The following MAS1 variants were observed in gnomAD, a reference collection of about 807,000 sequenced individuals.
MAS1 encodes the protein MAS1 proto-oncogene, G protein-coupled receptor, also known as proto-oncogene Mas.
For synonymous variants in MAS1, 163 were observed against 164.2 expected, an observed-to-expected ratio of 0.99 and a Z score of 0.05; for missense variants, 387 against 409.7, an observed-to-expected ratio of 0.94 and a Z score of 0.48.
rs1782943334 is a variant in MAS1, at chr6:159,909,687, G to C, written c.*1754G>C. 1 of 152,228 alleles carries C rather than the reference G, an allele frequency of 6.6e-6. No homozygotes were observed. The highest frequency in any genetic ancestry group is 2.4e-5 in the African/African-American group (1 of 41,436). The allele number at this position is 152,228 out of a possible 1,614,324, so 9.4% of individuals were successfully genotyped here. On this transcript the variant is annotated 3_prime_UTR_variant, in exon 3 of 3. Transcript: ENST00000674077. Reference sequence around the variant, plus strand: ...CTCTGTTTCCTGTCCTCTCCTGTGTGTGCTGTGTGCTGGCCTCTGGGGTAG... The same window carrying C: ...CTCTGTTTCCTGTCCTCTCCTGTGTCTGCTGTGTGCTGGCCTCTGGGGTAG...
At chr6:159,906,067 C>T (rs1269429194) in intron 2 of MAS1, among the ~76,000 whole-genome samples, 1 of 152,056 alleles carries the variant, frequency 6.6e-6, no homozygotes, top group Non-Finnish European at 1.5e-5. Flanking sequence ...TTTTGATCAA[C>T]TTCTTATGGA....
chr6:159,892,014 CA>C (rs1322418003), intron 1 of MAS1, among the ~76,000 whole-genome samples: 2 of 152,218 alleles, frequency 1.3e-5, no homozygotes, highest in Non-Finnish European at 2.9e-5. Flanking sequence ...TTGTGACAAC[CA>C]AAAATATCTT....
At position 159,916,396 on chromosome 6, in the gene MAS1, A is replaced by G. The variant is rs1783024684; in HGVS notation, c.*8463A>G. 1.3e-5 allele frequency: 2 copies of G among 152,190 alleles called. No individual in the cohort carries two copies. The highest frequency in any genetic ancestry group is 2.9e-5 in the Non-Finnish European group (2 of 68,046). 9.4% of individuals were successfully genotyped at this position (152,190 alleles called of 1,614,324 possible). On this transcript the variant is annotated 3_prime_UTR_variant, in exon 3 of 3. Coordinates refer to ENST00000674077, the MANE Select transcript of MAS1 (RefSeq NM_002377.4). ...AGGAACTGAATTTCAGTTTGAGGAGATGAAAATGTTCTGGGGATCTATTGC... is the reference window on the plus strand; with the variant it reads ...AGGAACTGAATTTCAGTTTGAGGAGGTGAAAATGTTCTGGGGATCTATTGC...
In MAS1 at chr6:159,907,187, A is replaced by G. The variant is rs750856690; in HGVS notation, c.232A>G (p.Ile78Val). ...CATCACCCACCTGTCTATCGCAGAC[A>G]TCTCACTGCTCTTCTGTATTTTCAT... Reference protein sequence around the residue: ...VYITHLSIADISLLFCIFILS... With the variant: ...VYITHLSIADVSLLFCIFILS... The change falls in exon 3 of 3, where the codon ATC becomes GTC. Residue 78 changes from isoleucine (I) to valine (V), a missense_variant. Physicochemically the swap from Ile to Val is conservative, Grantham distance 29 (BLOSUM62 3). Coordinates refer to ENST00000674077, the MANE Select transcript of MAS1 (RefSeq NM_002377.4). 6.2e-7 allele frequency: 1 copy of G among 1,614,244 alleles called. No homozygotes were observed. Among genetic ancestry groups the G allele is most frequent in the South Asian group, 1.1e-5 (1 of 91,086 alleles).
At chr6:159,892,916 G>A (rs1782717087) in intron 1 of MAS1, among the ~76,000 whole-genome samples, 1 of 152,188 alleles carries the variant, frequency 6.6e-6, no homozygotes, top group Admixed American at 6.5e-5. Context: ...ATGCCAGCAT[G>A]TGAAGCAGTT....
chr6:159,901,306 A>G (rs1476596691), intron 2 of MAS1, among the ~76,000 whole-genome samples: 2 of 152,234 alleles, frequency 1.3e-5, no homozygotes, highest in Non-Finnish European at 2.9e-5. Context: ...CACAACAGTC[A>G]ATAAGATAGA....
At chr6:159,897,035 G>A in intron 1 of MAS1, among the ~76,000 whole-genome samples, 1 of 152,066 alleles carries the variant, frequency 6.6e-6, no homozygotes, top group East Asian at 1.9e-4. Context: ...CACCACGCCC[G>A]GCTAATTTTT....
At position 159,907,890 on chromosome 6, in the gene MAS1, A is replaced by G; in HGVS notation, c.935A>G (p.Gln312Arg). The G allele has an allele frequency of 6.2e-7, 1 of 1,610,446 alleles. No individual in the cohort carries two copies. ...AAAGATGAAATGCAACCTCGGCGCC[A>G]GAAAGACAATTGTAATACGGTCACA... ...AFKDEMQPRR[Q>R]KDNCNTVTVE... Residue 312 changes from glutamine (Q) to arginine (R), a missense_variant, in exon 3 of 3, where the codon CAG becomes CGG. Gln to Arg is a conservative substitution (Grantham distance 43, BLOSUM62 1). Coordinates refer to ENST00000674077, the MANE Select transcript of MAS1 (RefSeq NM_002377.4).
In MAS1 at chr6:159,909,028, A is replaced by G. The variant is rs1012431158; in HGVS notation, c.*1095A>G. On this transcript the variant is annotated 3_prime_UTR_variant, in exon 3 of 3. Coordinates refer to ENST00000674077, the MANE Select transcript of MAS1 (RefSeq NM_002377.4). ...GGAAGGAGGCTCAGTGGCAAGGGCT[A>G]ATGAAAATGTGGTCACATCCTGGAG... The G allele has an allele frequency of 2.0e-5, 3 of 150,138 alleles. No individual in the cohort carries two copies. Among genetic ancestry groups the G allele is most frequent in the Admixed American group, 6.6e-5 (1 of 15,060 alleles). The allele number at this position is 150,138 out of a possible 1,614,324, so 9.3% of individuals were successfully genotyped here. A position where few individuals can be genotyped will look rare whatever the true frequency, so the allele number is the denominator to read the frequency against.
rs758579399 is a variant in MAS1, at chr6:159,907,055, A to G, written c.100A>G (p.Ile34Val). 10 of 1,614,022 alleles carry G rather than the reference A, an allele frequency of 6.2e-6. No homozygotes were observed. In the South Asian group the frequency reaches 6.6e-5, roughly 11 times the overall value. Residue 34 changes from isoleucine (I) to valine (V), a missense_variant, in exon 3 of 3, where the codon ATC (isoleucine) becomes GTC (valine). Physicochemically the swap from Ile to Val is conservative, Grantham distance 29. Transcript: ENST00000674077. ...CGGGAATGCACATCGGCAAATCCCC[A>G]TCGTGCACTGGGTCATTATGAGCAT... Reference protein sequence around the residue: ...SVGNAHRQIPIVHWVIMSISP... With the variant: ...SVGNAHRQIPVVHWVIMSISP...
intron 2 of MAS1, among the ~76,000 whole-genome samples, chr6:159,904,455 A>G (rs964136477): frequency 2.0e-5 from 3 of 152,112 alleles, no homozygotes; most frequent in African/African-American, 7.2e-5. Context: ...CTAAACACGT[A>G]TTCTCTCTTT....
At position 159,911,248 on chromosome 6, in the gene MAS1, GACTTTTTGACCCA is replaced by G. The variant is rs902401435; in HGVS notation, c.*3317_*3329del. 6 of 151,768 alleles carry G rather than the reference GACTTTTTGACCCA, an allele frequency of 4.0e-5. No homozygotes were observed. Among genetic ancestry groups the G allele is most frequent in the African/African-American group, 1.5e-4 (6 of 41,272 alleles). 9.4% of individuals were successfully genotyped at this position (151,768 alleles called of 1,614,324 possible). The stretch of plus-strand genomic sequence containing the variant: ...GTCCTGTGTGTCCAATCATCTAATG[GACTTTTTGACCCA>G]ATGTCCTGCAGGTGCTTGTAACCCA... On this transcript the variant is annotated 3_prime_UTR_variant, in exon 3 of 3. Transcript: ENST00000674077.
chr6:159,896,640 C>T (rs564885060), intron 1 of MAS1, among the ~76,000 whole-genome samples: 1 of 152,228 alleles, frequency 6.6e-6, no homozygotes, highest in East Asian at 1.9e-4. Context: ...AAGAAAATAT[C>T]CCCATTTTGT....
chr6:159,896,329 A>G (rs1318820564), intron 1 of MAS1, among the ~76,000 whole-genome samples: 2 of 152,148 alleles, frequency 1.3e-5, no homozygotes, highest in Admixed American at 1.3e-4. Flanking sequence ...AAACAAATAA[A>G]TCATGAGACC....
upstream of MAS1, among the ~76,000 whole-genome samples, chr6:159,889,022 A>G (rs760474381): frequency 3.3e-5 from 5 of 152,226 alleles, no homozygotes; most frequent in Non-Finnish European, 7.3e-5. Context: ...AATTAGTCAC[A>G]AAACAACTGG....
intron 1 of MAS1, among the ~76,000 whole-genome samples, chr6:159,895,253 G>A (rs186198259): frequency 3.3e-5 from 5 of 152,178 alleles, no homozygotes; most frequent in African/African-American, 1.2e-4. Flanking sequence ...AGGCTCTGCT[G>A]CTGCCTTTGT....
chr6:159,898,651 TCC>T (rs1782787282), intron 1 of MAS1, among the ~76,000 whole-genome samples: 1 of 113,426 alleles, frequency 8.8e-6, no homozygotes, highest in Non-Finnish European at 1.8e-5. Flanking sequence ...TCCCTCTTCC[TCC>T]TCCTCCCTCC....
chr6:159,892,517 G>A (rs1782710929), intron 1 of MAS1, among the ~76,000 whole-genome samples: 1 of 152,118 alleles, frequency 6.6e-6, no homozygotes, highest in Admixed American at 6.5e-5. Context: ...GGTATCTGGG[G>A]CCATGGAAGG....
At chr6:159,906,734 T>C (rs1782891096) in intron 2 of MAS1, 186 bp from the exon 3 acceptor site, 1 of 522,660 alleles carries the variant, frequency 1.9e-6, no homozygotes, top group South Asian at 2.6e-5. Context: ...TTATCAGGTC[T>C]AAGTTCCTTT....
Sources: gnomAD v4.1 joint callset for allele counts (sites outside exome capture counted in the v4.1 genomes callset) on GRCh38, gnomAD v4.1.1 for gene constraint, MANE v1.5 for transcripts, NCBI Gene and HGNC (gene_info 2026-07-23, HGNC 2026-07-21) for gene names.